The following PCDHA13 variants were observed in gnomAD, a reference collection of about 807,000 sequenced individuals.
PCDHA13 encodes the protein protocadherin alpha 13.
PCDHA13 carries 54 observed loss-of-function variants against 64.8 expected under a neutral mutation model. The ratio of observed to expected loss-of-function variants is 0.83; its 90% CI spans 0.67 to 1.04. PCDHA13 has a LOEUF of 1.04. Ranked by LOEUF, PCDHA13 falls within the 50% of genes least tolerant of loss-of-function variation. PCDHA13 has a pLI of 0.00. For synonymous variants in PCDHA13, 587 were observed against 564.4 expected (o/e 1.04, Z -0.57); for missense variants, 1,248 against 1,254.3 (o/e 0.99, Z 0.08).
intron 1 of PCDHA13, among the ~76,000 whole-genome samples, chr5:140,951,752 G>A (rs246039): frequency 0.51 from 77,303 of 151,800 alleles, 20,616 homozygotes; most frequent in African/African-American, 0.68. Context: ...CTCACCCTCC[G>A]CGAAATCTCA....
At chr5:140,900,079 C>T (rs1289822790) in intron 1 of PCDHA13, among the ~76,000 whole-genome samples, 11 of 152,066 alleles carry the variant, frequency 7.2e-5, no homozygotes, top group East Asian at 3.9e-4. Context: ...AAAAGTGCTG[C>T]AGTTACAAGC....
intron 1 of PCDHA13, among the ~76,000 whole-genome samples, chr5:140,906,751 G>C (rs782384757): frequency 1.3e-5 from 2 of 152,166 alleles, no homozygotes; most frequent in African/African-American, 2.4e-5. Context: ...CACAGGGCAT[G>C]GTAATACTAA....
At chr5:140,906,041 A>T (rs1257569280) in intron 1 of PCDHA13, among the ~76,000 whole-genome samples, 1 of 152,128 alleles carries the variant, frequency 6.6e-6, no homozygotes, top group Non-Finnish European at 1.5e-5. Context: ...GTCTGCTTTT[A>T]TTCTGGCTGC....
At chr5:140,886,680 G>T (rs1554182653) in intron 1 of PCDHA13, among the ~76,000 whole-genome samples, 1 of 151,946 alleles carries the variant, frequency 6.6e-6, no homozygotes, top group Non-Finnish European at 1.5e-5. Context: ...ACAAAAATTA[G>T]CGAGGCATGG....
intron 1 of PCDHA13, among the ~76,000 whole-genome samples, chr5:140,917,286 C>T (rs155803): frequency 0.32 from 46,630 of 146,510 alleles, 7,654 homozygotes; most frequent in East Asian, 0.52. Context: ...GACGCTTTTC[C>T]GTGTGCAGAT....
intron 1 of PCDHA13, among the ~76,000 whole-genome samples, chr5:140,925,841 C>CT (rs1451775258): frequency 1.3e-5 from 2 of 152,066 alleles, no homozygotes; most frequent in African/African-American, 4.8e-5. Flanking sequence ...GTCGTCAAGT[C>CT]TTTGAGTTTC....
intron 3 of PCDHA13, among the ~76,000 whole-genome samples, chr5:140,991,449 A>G (rs1405447405): frequency 6.6e-6 from 1 of 152,206 alleles, no homozygotes; most frequent in East Asian, 1.9e-4. Flanking sequence ...GCTTAAAACA[A>G]CACAATGTAT....
At chr5:140,957,109 T>C (rs2095334016) in intron 1 of PCDHA13, among the ~76,000 whole-genome samples, 1 of 152,174 alleles carries the variant, frequency 6.6e-6, no homozygotes, top group Non-Finnish European at 1.5e-5. Context: ...ATGGACATGA[T>C]TCTGTGTGTT....
In PCDHA13 at chr5:140,982,645, G is replaced by A. The variant is rs2096993238; in HGVS notation, c.2542+82G>A. 3.3e-6 allele frequency: 5 copies of A among 1,522,444 alleles called. No homozygotes were observed. In the East Asian group the frequency reaches 1.2e-4, roughly 36 times the overall value. 94.3% of individuals were successfully genotyped at this position (1,522,444 alleles called of 1,614,324 possible). A position where few individuals can be genotyped will look rare whatever the true frequency, so the allele number is the denominator to read the frequency against. On this transcript the variant is annotated intron_variant, in intron 3 of 3. Transcript: ENST00000289272. ...CTACTTTTGTAAGATCAGGAATGTT[G>A]ATGGCTCTTTTTCTTTTATATTTTT...
intron 1 of PCDHA13, chr5:140,928,189 G>A (rs1563102575): frequency 2.5e-6 from 4 of 1,614,214 alleles, no homozygotes; most frequent in Non-Finnish European, 3.4e-6. Context: ...GACAATCACT[G>A]TGTCAGTTGC....
Position 141,011,309 on chromosome 5 carries a change from A to G in PCDHA13, c.*1372A>G, listed in dbSNP as rs374038361. On this transcript the variant is annotated 3_prime_UTR_variant, in exon 4 of 4. Coordinates refer to ENST00000289272, the MANE Select transcript of PCDHA13 (RefSeq NM_018904.3). ...CTTTTCTATAACACTCTGAATTGCTAATCTTACTAACACCTATGATGTTAC... is the reference window on the plus strand; with the variant it reads ...CTTTTCTATAACACTCTGAATTGCTGATCTTACTAACACCTATGATGTTAC... 9.8e-5 allele frequency: 15 copies of G among 153,742 alleles called. No homozygotes were observed. The highest frequency in any genetic ancestry group is 1.9e-4 in the Non-Finnish European group (13 of 68,036). 9.5% of individuals were successfully genotyped at this position (153,742 alleles called of 1,614,324 possible). A position where few individuals can be genotyped will look rare whatever the true frequency, so the allele number is the denominator to read the frequency against.
chr5:140,917,106 TC>T (rs1554197830), intron 1 of PCDHA13, among the ~76,000 whole-genome samples: 1 of 152,094 alleles, frequency 6.6e-6, no homozygotes, highest in African/African-American at 2.4e-5. Context: ...GTGCTTTACT[TC>T]CTCCAAGTGC....
In PCDHA13 at chr5:140,884,357, A is replaced by C; in HGVS notation, c.2089A>C (p.Asn697His). Residue 697 changes from asparagine to histidine, a missense_variant, in exon 1 of 4, where the codon AAT becomes CAT. Transcript: ENST00000289272. ...TCCAGAAGCGGCGCTGGTGGATGTCAATGTTTACTTGATCATTGCCATCTG... is the reference window on the plus strand; with the variant it reads ...TCCAGAAGCGGCGCTGGTGGATGTCCATGTTTACTTGATCATTGCCATCTG... ...VGPEAALVDV[N>H]VYLIIAICAV... The C allele has an allele frequency of 6.2e-7, 1 of 1,613,864 alleles. No individual in the cohort carries two copies.
At chr5:140,891,972 T>C (rs1273277446) in intron 1 of PCDHA13, among the ~76,000 whole-genome samples, 1 of 152,222 alleles carries the variant, frequency 6.6e-6, no homozygotes, top group African/African-American at 2.4e-5. Flanking sequence ...TAAATTTCCG[T>C]TCTCATAAAT....
chr5:140,985,554 A>G (rs1563525071), intron 3 of PCDHA13, among the ~76,000 whole-genome samples: 1 of 152,114 alleles, frequency 6.6e-6, no homozygotes, highest in Non-Finnish European at 1.5e-5. Flanking sequence ...GTTGCTTCCA[A>G]AAGGCTTCTT....
Position 140,929,475 on chromosome 5 carries a change from G to A in PCDHA13, c.2394+44813G>A, listed in dbSNP as rs1554207114. ...ACTTCCTGTGCCAAGAAATCTGGAA[G>A]TATAGAAGTATTAGAAGATTGCCCT... is the stretch of plus-strand genomic sequence containing the variant. On this transcript the variant is annotated intron_variant, in intron 1 of 3. Transcript: ENST00000289272. The A allele has an allele frequency of 4.0e-6, 5 of 1,251,128 alleles. No individual in the cohort carries two copies. The Middle Eastern group carries it at 8.1e-4, about 202-fold the overall frequency. The allele number at this position is 1,251,128 out of a possible 1,614,324, so 77.5% of individuals were successfully genotyped here. A position where few individuals can be genotyped will look rare whatever the true frequency, so the allele number is the denominator to read the frequency against.
At position 140,883,672 on chromosome 5, in the gene PCDHA13, T is replaced by C. The variant is rs782302494; in HGVS notation, c.1404T>C (p.Asn468=). ...PEYTVFVKEN[N]PPGCHIFTVS... is the part of the protein sequence containing the mutation. The stretch of plus-strand genomic sequence containing the variant: ...ACACGGTGTTCGTGAAGGAAAACAA[T>C]CCGCCGGGCTGCCACATCTTCACGG... Residue 468 remains asparagine, a synonymous_variant, in exon 1 of 4, where the codon AAT becomes AAC. Transcript: ENST00000289272. 2 of 1,613,366 alleles carry C rather than the reference T, an allele frequency of 1.2e-6. No homozygotes were observed. The highest frequency in any genetic ancestry group is 1.7e-6 in the Non-Finnish European group (2 of 1,179,808).
chr5:140,937,219 T>C lies in PCDHA13; in HGVS notation c.2395-41730T>C, dbSNP rs555881657. Among the ~76,000 whole-genome samples the C allele has an allele frequency of 5.4e-3, 826 of 151,832 alleles. 4 individuals are homozygous for C. Among genetic ancestry groups the C allele is most frequent in the African/African-American group, 0.019 (796 of 41,458 alleles). ...TGCCCGGCTAATTTTTTGTATTTTT[T>C]GTAGAGACGGGGTTTCACCGTGTTA... On this transcript the variant is annotated intron_variant, in intron 1 of 3. Coordinates refer to ENST00000289272, the MANE Select transcript of PCDHA13 (RefSeq NM_018904.3).
At position 140,968,456 on chromosome 5, in the gene PCDHA13, A is replaced by G. The variant is rs782476018; in HGVS notation, c.2395-10493A>G. ...GAGCCCACCACTGAGCAGCACTGTG[A>G]CTGCCAACGTATATGTGGTGGACAT... On this transcript the variant is annotated intron_variant, in intron 1 of 3. Transcript: ENST00000289272. 82 of 1,613,964 alleles carry G rather than the reference A, an allele frequency of 5.1e-5. No individual in the cohort carries two copies. Among genetic ancestry groups the G allele is most frequent in the Non-Finnish European group, 6.2e-5 (73 of 1,180,022 alleles).
Sources: allele counts gnomAD v4.1 joint callset (sites outside exome capture counted in the v4.1 genomes callset), GRCh38; gene constraint gnomAD v4.1.1; transcripts MANE v1.5; gene names NCBI Gene and HGNC (gene_info 2026-07-23, HGNC 2026-07-21).